TRAF3IP2: variants seen among roughly 807,000 people sequenced by gnomAD.
The protein encoded by TRAF3IP2 is E3 ubiquitin ligase TRAF3IP2.
TRAF3IP2 carries 35 observed loss-of-function variants against 57.9 expected under a neutral mutation model. That is an observed-to-expected ratio of 0.60 (90% confidence interval 0.46 to 0.80). The LOEUF is 0.80. Ranked by LOEUF, TRAF3IP2 falls within the 30% of genes least tolerant of loss-of-function variation. The pLI, the probability that TRAF3IP2 is intolerant of heterozygous loss-of-function variation, is 0.00. For missense variants in TRAF3IP2, 556 were observed against 706.4 expected (o/e 0.79, Z 2.41); for synonymous variants, 251 against 268.9 (o/e 0.93, Z 0.65).
At chr6:111,574,518 G>A (rs558127867) in intron 4 of TRAF3IP2, 1 of 152,350 alleles carries the variant, frequency 6.6e-6, no homozygotes, top group African/African-American at 2.4e-5. Flanking sequence ...CTTACGCTTA[G>A]TTGAATGTTT....
intron 1 of TRAF3IP2, among the ~76,000 whole-genome samples, chr6:111,599,611 C>T (rs1796804816): frequency 6.6e-6 from 1 of 152,214 alleles, no homozygotes. Context: ...TGTCTGTTCC[C>T]AGCAATCTTT....
intron 7 of TRAF3IP2, among the ~76,000 whole-genome samples, chr6:111,565,963 C>T (rs1458287657): frequency 1.3e-5 from 2 of 152,250 alleles, no homozygotes; most frequent in Admixed American, 6.5e-5. Context: ...AGTGGGGCCA[C>T]GGTCACACAG....
chr6:111,563,874 A>G (rs1445210173), intron 7 of TRAF3IP2, among the ~76,000 whole-genome samples: 1 of 152,220 alleles, frequency 6.6e-6, no homozygotes, highest in Non-Finnish European at 1.5e-5. Flanking sequence ...TGGTAGCCCA[A>G]GAAGATTTAG....
chr6:111,587,902 A>G (rs1469636305), intron 2 of TRAF3IP2, among the ~76,000 whole-genome samples: 1 of 152,216 alleles, frequency 6.6e-6, no homozygotes, highest in Non-Finnish European at 1.5e-5. Flanking sequence ...TTTAATAAAC[A>G]TTCTTGTTCT....
chr6:111,560,264 G>A (rs941847000), intron 8 of TRAF3IP2, among the ~76,000 whole-genome samples: 10 of 152,222 alleles, frequency 6.6e-5, no homozygotes, highest in Admixed American at 4.6e-4. Flanking sequence ...GAAGAAGCAA[G>A]CTCTGTGGTT....
At chr6:111,568,292 T>A (rs1795715100) in intron 5 of TRAF3IP2, among the ~76,000 whole-genome samples, 1 of 152,214 alleles carries the variant, frequency 6.6e-6, no homozygotes. Context: ...AGTAGAACTC[T>A]TAGGCCTTGA....
At chr6:111,590,241 A>G (rs1796462303) in intron 2 of TRAF3IP2, among the ~76,000 whole-genome samples, 1 of 152,220 alleles carries the variant, frequency 6.6e-6, no homozygotes, top group Non-Finnish European at 1.5e-5. Context: ...GGAATTATGA[A>G]TTGAAAGTAC....
chr6:111,591,489 C>T lies in TRAF3IP2; in HGVS notation c.598G>A (p.Asp200Asn), dbSNP rs1796511913. ...LDLPTIDTGY[D>N]SQPQDVLGIR... Reference sequence around the variant, plus strand: ...CCCAGGACATCCTGGGGCTGGGAATCATATCCCGTGTCTATGGTTGGCAGA... The same window carrying T: ...CCCAGGACATCCTGGGGCTGGGAATTATATCCCGTGTCTATGGTTGGCAGA... Residue 200 changes from aspartate (D) to asparagine (N), a missense_variant, in exon 2 of 9, where the codon GAT (aspartate) becomes AAT (asparagine). Physicochemically the swap from Asp to Asn is conservative, Grantham distance 23 (BLOSUM62 1). Around this residue, in one of 2 missense-constraint regions of TRAF3IP2, gnomAD observed 428 missense variants for 498.7 expected, o/e 0.86. Transcript: ENST00000368761. This position sits in a 1 kb window ranked among gnomAD's most constrained non-coding sequence, Gnocchi z 4.9. 1 of 1,608,516 alleles carries T rather than the reference C, an allele frequency of 6.2e-7. No homozygotes were observed. Among genetic ancestry groups the T allele is most frequent in the Non-Finnish European group, 8.5e-7 (1 of 1,176,034 alleles).
chr6:111,568,620 C>A (rs1795732662), intron 5 of TRAF3IP2, among the ~76,000 whole-genome samples: 1 of 152,050 alleles, frequency 6.6e-6, no homozygotes, highest in South Asian at 2.1e-4. Context: ...GATTACTTGT[C>A]CTAAATGTCA....
chr6:111,562,820 G>A (rs993062053), intron 8 of TRAF3IP2, 145 bp downstream of exon 8: 11 of 622,818 alleles, frequency 1.8e-5, no homozygotes, highest in Non-Finnish European at 2.7e-5. Context: ...ACTCCAGGCT[G>A]GGCAACACAG....
chr6:111,597,764 C>T (rs1029440845), intron 1 of TRAF3IP2: 5 of 447,632 alleles, frequency 1.1e-5, no homozygotes, highest in African/African-American at 1.0e-4. Context: ...CTGGATGGAA[C>T]AGCTGTGCAT....
At position 111,591,265 on chromosome 6, in the gene TRAF3IP2, C is replaced by T; in HGVS notation, c.822G>A (p.Gln274=). Residue 274 remains glutamine (Q), a synonymous_variant, in exon 2 of 9, where the codon CAG becomes CAA. Transcript: ENST00000368761. This position sits in a 1 kb window ranked among gnomAD's most constrained non-coding sequence, Gnocchi z 4.9. ...HYHCPGSPDH[Q]VPYGHDYPRA... is the part of the protein sequence containing the mutation. ...GAGGTAAAGATCACTTACATGGCAC[C>T]TGGTGATCGGGACTTCCAGGACAAT... The T allele has an allele frequency of 6.7e-7, 1 of 1,485,928 alleles. No homozygotes were observed. Among genetic ancestry groups the T allele is most frequent in the Non-Finnish European group, 9.0e-7 (1 of 1,116,064 alleles). The allele number at this position is 1,485,928 out of a possible 1,614,324, so 92.0% of individuals were successfully genotyped here. A position where few individuals can be genotyped will look rare whatever the true frequency, so the allele number is the denominator to read the frequency against.
chr6:111,588,691 T>A (rs1796413083), intron 2 of TRAF3IP2, among the ~76,000 whole-genome samples: 2 of 152,080 alleles, frequency 1.3e-5, no homozygotes, highest in Admixed American at 6.6e-5. Flanking sequence ...ATCTAAGGAG[T>A]TAATCGGAAG....
chr6:111,582,550 C>T (rs956879915), intron 2 of TRAF3IP2, among the ~76,000 whole-genome samples: 7 of 152,162 alleles, frequency 4.6e-5, no homozygotes, highest in African/African-American at 1.7e-4. Context: ...GCAGCCTTCT[C>T]AGGGCAGGGC....
rs538803170 is a variant in TRAF3IP2, at chr6:111,594,207, C to T, written c.-8-2113G>A. 2.6e-5 allele frequency among the ~76,000 whole-genome samples: 4 copies of T among 151,658 alleles called. No homozygotes were observed. The South Asian group carries it at 8.4e-4, about 32-fold the overall frequency. On this transcript the variant is annotated intron_variant, in intron 1 of 8. Transcript: ENST00000368761. ...TTCCACAGTTATGAAATTGGATGTG[C>T]CACACAACATGCTCTTCAGCCGGTC...
intron 1 of TRAF3IP2, among the ~76,000 whole-genome samples, chr6:111,597,566 T>C (rs1796729534): frequency 6.6e-6 from 1 of 152,240 alleles, no homozygotes; most frequent in Non-Finnish European, 1.5e-5. Context: ...AGGATGGCAG[T>C]TTTATCTGTT....
intron 2 of TRAF3IP2, among the ~76,000 whole-genome samples, chr6:111,582,544 C>G (rs1294363072): frequency 6.6e-6 from 1 of 152,104 alleles, no homozygotes; most frequent in Admixed American, 6.5e-5. Flanking sequence ...ACCTTGGCAG[C>G]CTTCTCAGGG....
intron 2 of TRAF3IP2, among the ~76,000 whole-genome samples, chr6:111,583,418 CTCTG>C (rs1796223788): frequency 6.6e-6 from 1 of 152,188 alleles, no homozygotes; most frequent in South Asian, 2.1e-4. Flanking sequence ...GTAAGTGAAG[CTCTG>C]TCTGTATTTA....
In TRAF3IP2 at chr6:111,555,952, A is replaced by C. The variant is rs1282370715; in HGVS notation, c.*3453T>G. Among the ~76,000 whole-genome samples the C allele has an allele frequency of 6.6e-6, 1 of 151,734 alleles. No individual in the cohort carries two copies. The highest frequency in any genetic ancestry group is 1.5e-5 in the Non-Finnish European group (1 of 67,946). ...CCCCGTCTCTACTAAAAATACAAAA[A>C]ATTAGCCGGGCATGGTGGCAGGTGC... is the stretch of plus-strand genomic sequence containing the variant. On this transcript the variant is annotated 3_prime_UTR_variant, in exon 9 of 9. Coordinates refer to ENST00000368761, the MANE Select transcript of TRAF3IP2 (RefSeq NM_147686.4).
Sources: gnomAD v4.1 joint callset for allele counts (sites outside exome capture counted in the v4.1 genomes callset) on GRCh38, gnomAD v4.1.1 for gene constraint, gnomAD v4.1.1 regional missense constraint, Gnocchi (gnomAD v3.1) non-coding constraint, MANE v1.5 for transcripts, NCBI Gene and HGNC (gene_info 2026-07-23, HGNC 2026-07-21) for gene names.